BRWD1: variants seen among roughly 807,000 people sequenced by gnomAD.
The protein encoded by BRWD1 is bromodomain and WD repeat domain containing 1, also known as bromodomain and WD repeat-containing protein 1.
In BRWD1, 82 loss-of-function variants were observed where a neutral mutation model predicts 251.2. The ratio of observed to expected loss-of-function variants is 0.33; its 90% CI spans 0.27 to 0.39. The LOEUF (loss-of-function observed/expected upper bound fraction) is 0.39, where lower values mean the gene tolerates loss of function less well. Among genes scored for constraint, BRWD1 ranks in the 10% least tolerant of loss-of-function variants. The pLI is 1.00. For missense variants in BRWD1, 2,233 were observed against 2,711.6 expected, an observed-to-expected ratio of 0.82 and a Z score of 3.92; for synonymous variants, 918 against 902.8, an observed-to-expected ratio of 1.02 and a Z score of -0.30.
rs193244055 is a variant in BRWD1 at position 39,191,794 on chromosome 21, A to C, written c.*4465T>G. ...ATCTCATTTCAGTTAGGTCAATTGG[A>C]CTGCCTCTTCTCTTTGGCAGTCTAA... is the stretch of plus-strand genomic sequence containing the variant. On this transcript the variant is annotated 3_prime_UTR_variant, in exon 41 of 41. Coordinates refer to ENST00000342449, the MANE Select transcript of BRWD1 (RefSeq NM_033656.4). 7.0e-4 allele frequency: 693 copies of C among 985,170 alleles called. 6 individuals carry two copies. In the African/African-American group the frequency reaches 0.012, roughly 16 times the overall value. The allele number at this position is 985,170 out of a possible 1,614,324, so 61.0% of individuals were successfully genotyped here.
At chr21:39,246,794 C>T (rs916431329) in intron 21 of BRWD1, among the ~76,000 whole-genome samples, 2 of 152,120 alleles carry the variant, frequency 1.3e-5, no homozygotes, top group Non-Finnish European at 2.9e-5. Context: ...ATTTTAAGAG[C>T]CCGTCCGGCT....
At chr21:39,210,212 C>A in intron 35 of BRWD1, 65 bp from the exon 36 acceptor site, 1 of 1,322,648 alleles carries the variant, frequency 7.6e-7, no homozygotes, top group South Asian at 1.4e-5. Flanking sequence ...GTAAATGCAT[C>A]AGATCTCTAA....
intron 8 of BRWD1, among the ~76,000 whole-genome samples, chr21:39,290,490 CA>C (rs1002425792): frequency 0.22 from 20,543 of 92,256 alleles, 1,408 homozygotes; most frequent in African/African-American, 0.3. Context: ...GACTCCGTCT[CA>C]AAAAAAAAAA....
At chr21:39,305,141 G>C (rs1231335144) in intron 4 of BRWD1, among the ~76,000 whole-genome samples, 1 of 151,954 alleles carries the variant, frequency 6.6e-6, no homozygotes, top group Non-Finnish European at 1.5e-5. Context: ...TCTATTTATA[G>C]TAGAGACGGG....
At chr21:39,281,845 A>G (rs1041985870) in intron 8 of BRWD1, among the ~76,000 whole-genome samples, 1 of 151,534 alleles carries the variant, frequency 6.6e-6, no homozygotes, top group Non-Finnish European at 1.5e-5. Context: ...TCCAGCCGGG[A>G]CAACACAGCA....
At chr21:39,259,472 T>TC (rs2146638290) in intron 17 of BRWD1, among the ~76,000 whole-genome samples, 1 of 151,748 alleles carries the variant, frequency 6.6e-6, no homozygotes, top group Non-Finnish European at 1.5e-5. Flanking sequence ...TTGTATTTCT[T>TC]TTTTTTCAGT....
At position 39,238,566 on chromosome 21, in the gene BRWD1, G is replaced by A; in HGVS notation, c.2489C>T (p.Ser830Phe). The change falls in exon 22 of 41, where the codon TCC (serine) becomes TTC (phenylalanine). Residue 830 changes from serine to phenylalanine, a missense_variant. By Grantham distance (155) the Ser-to-Phe change is radical. Transcript: ENST00000342449. ...ACCAGAACCTTCACTCTGATCACAG[G>A]AAGTCTCCTAATTTGTGAAGGGGGG... ...ESSSSVRHET[S>F]CDQSEGSGSS... 1 of 1,612,460 alleles carries A rather than the reference G, an allele frequency of 6.2e-7. No homozygotes were observed. Among genetic ancestry groups the A allele is most frequent in the Non-Finnish European group, 8.5e-7 (1 of 1,178,906 alleles).
Position 39,229,448 on chromosome 21 carries a change from AT to A in BRWD1, c.3001-13del. The stretch of plus-strand genomic sequence containing the variant: ...ACCAATTCTTGATCCTTTAACAGAC[AT>A]ATTTTTTAATGGTTAAAATAAAAGC... On this transcript the variant is annotated splice_polypyrimidine_tract_variant and intron_variant, in intron 25 of 40. Transcript: ENST00000342449. 6.3e-7 allele frequency: 1 copy of A among 1,593,580 alleles called. No homozygotes were observed.
chr21:39,241,012 T>C (rs2033972043), intron 21 of BRWD1, among the ~76,000 whole-genome samples: 1 of 151,686 alleles, frequency 6.6e-6, no homozygotes, highest in Non-Finnish European at 1.5e-5. Flanking sequence ...ACGATTCTCC[T>C]GTCTCAGCCT....
At chr21:39,312,621 T>TCCGCC (rs1272666409) in intron 4 of BRWD1, 4 of 378,768 alleles carry the variant, frequency 1.1e-5, no homozygotes, top group African/African-American at 6.5e-5. Flanking sequence ...CCCCCACCGC[T>TCCGCC]CCGCCCCGCG....
chr21:39,209,692 G>A (rs908434788), intron 36 of BRWD1: 29 of 194,332 alleles, frequency 1.5e-4, no homozygotes, highest in African/African-American at 6.2e-4. Flanking sequence ...AAAACACAGA[G>A]ACTCTTACTC....
chr21:39,290,024 CAAA>C (rs376359142), intron 8 of BRWD1, among the ~76,000 whole-genome samples: 3 of 108,238 alleles, frequency 2.8e-5, no homozygotes, highest in Non-Finnish European at 1.9e-5. Flanking sequence ...GACTCCATCT[CAAA>C]AAAAAAAAAA....
chr21:39,244,699 G>A (rs965337694), intron 21 of BRWD1, among the ~76,000 whole-genome samples: 1 of 151,894 alleles, frequency 6.6e-6, no homozygotes, highest in African/African-American at 2.4e-5. Context: ...TTTCCCAAAG[G>A]AAACCATCCC....
rs1295735968 is a variant in BRWD1, at chr21:39,218,246, C to T, written c.3565G>A (p.Val1189Ile). 1 of 1,609,432 alleles carries T rather than the reference C, an allele frequency of 6.2e-7. No individual in the cohort carries two copies. The highest frequency in any genetic ancestry group is 1.3e-5 in the African/African-American group (1 of 74,680). The change falls in exon 31 of 41, where the codon GTT (valine) becomes ATT (isoleucine). Residue 1189 changes from valine to isoleucine, a missense_variant. Val to Ile is a conservative substitution (Grantham distance 29). Around this residue, in one of 12 missense-constraint regions of BRWD1, gnomAD observed 167 missense variants for 183.2 expected, o/e 0.91. Transcript: ENST00000342449. The stretch of plus-strand genomic sequence containing the variant: ...TACTTCGGGTATGTACACAAATCAA[C>T]AGGGCCTGCAAAAGCTGCTGCTATA... ...LDIAAAFAGP[V>I]DLCTYPKYCT...
At chr21:39,283,186 T>TGTCC (rs1437528324) in intron 8 of BRWD1, among the ~76,000 whole-genome samples, 1 of 152,058 alleles carries the variant, frequency 6.6e-6, no homozygotes, top group Non-Finnish European at 1.5e-5. Context: ...CTTCTTTCGC[T>TGTCC]GTCCGTGCTT....
intron 20 of BRWD1, among the ~76,000 whole-genome samples, chr21:39,249,959 T>TAC (rs991200997): frequency 8.7e-5 from 13 of 149,144 alleles, no homozygotes; most frequent in Non-Finnish European, 1.6e-4. Context: ...TGTGTGTGTA[T>TAC]ACACACACAC....
intron 4 of BRWD1, among the ~76,000 whole-genome samples, chr21:39,305,040 A>C (rs1568975567): frequency 7.0e-6 from 1 of 143,740 alleles, no homozygotes; most frequent in Non-Finnish European, 1.5e-5. Flanking sequence ...GCTCACTGTA[A>C]CCTCCGCCTC....
downstream of BRWD1, chr21:39,184,238 T>C (rs1380947286): frequency 2.0e-5 from 3 of 152,214 alleles, no homozygotes; most frequent in African/African-American, 4.8e-5. Context: ...AAGCTGATGA[T>C]TGTCAAGGCG....
At chr21:39,217,031 AT>A (rs1568877583) in intron 31 of BRWD1, 24 of 20,504 alleles carry the variant, frequency 1.2e-3, no homozygotes, top group Non-Finnish European at 2.1e-3. Context: ...ATATATATAT[AT>A]ATAAATATAT....
Sources: gnomAD v4.1 joint callset for allele counts (sites outside exome capture counted in the v4.1 genomes callset) on GRCh38, gnomAD v4.1.1 for gene constraint, gnomAD v4.1.1 regional missense constraint, MANE v1.5 for transcripts, NCBI Gene and HGNC (gene_info 2026-07-23, HGNC 2026-07-21) for gene names.